CFAP20DC: variants seen among roughly 807,000 people sequenced by gnomAD.
The protein encoded by CFAP20DC is CFAP20 domain containing.
A neutral mutation model predicts 101.7 loss-of-function variants in CFAP20DC; 84 were observed. The observed-to-expected ratio is 0.83, with a 90% CI of 0.69 to 0.99. The LOEUF (loss-of-function observed/expected upper bound fraction) is 0.99. Among genes scored for constraint, CFAP20DC ranks in the 50% least tolerant of loss-of-function variants. The pLI is 0.00. For missense variants in CFAP20DC, 1,007 were observed against 970.3 expected (o/e 1.04, Z -0.50); for synonymous variants, 359 against 351.2 (o/e 1.02, Z -0.25).
intron 4 of CFAP20DC, among the ~76,000 whole-genome samples, chr3:59,021,269 G>A (rs1199033127): frequency 1.3e-5 from 2 of 152,018 alleles, no homozygotes; most frequent in Admixed American, 6.6e-5. Context: ...AGGATTCCAG[G>A]TAAATAAAGT....
chr3:59,039,426 T>G (rs375881588), intron 4 of CFAP20DC, 131 bp downstream of exon 4: 6 of 595,432 alleles, frequency 1.0e-5, no homozygotes, highest in Non-Finnish European at 1.8e-5. Context: ...AATTACTTGA[T>G]GTTGACTTGA....
At chr3:58,927,604 C>A (rs938418116) in intron 5 of CFAP20DC, among the ~76,000 whole-genome samples, 7 of 152,168 alleles carry the variant, frequency 4.6e-5, no homozygotes, top group African/African-American at 1.7e-4. Flanking sequence ...AGGAATTTTA[C>A]GTGAAATTTC....
At chr3:59,027,459 T>C (rs1430706215) in intron 4 of CFAP20DC, among the ~76,000 whole-genome samples, 1 of 152,048 alleles carries the variant, frequency 6.6e-6, no homozygotes, top group African/African-American at 2.4e-5. Flanking sequence ...GGTCTCAGTG[T>C]TTTCAACCCA....
Position 59,049,649 on chromosome 3 carries a change from G to C in CFAP20DC, c.-18C>G. 6.5e-7 allele frequency: 1 copy of C among 1,535,896 alleles called. No homozygotes were observed. The highest frequency in any genetic ancestry group is 8.7e-7 in the Non-Finnish European group (1 of 1,146,696). On this transcript the variant is annotated 5_prime_UTR_variant, in exon 1 of 17. Coordinates refer to ENST00000482387, the MANE Select transcript of CFAP20DC (RefSeq NM_001394063.1). ...TTGAACATTCCCGCAGGGGGCCCAGGGCTTGGGGGGCACAGAGTTCAGGGT... is the reference window on the plus strand; with the variant it reads ...TTGAACATTCCCGCAGGGGGCCCAGCGCTTGGGGGGCACAGAGTTCAGGGT...
intron 15 of CFAP20DC, among the ~76,000 whole-genome samples, chr3:58,758,534 TA>T (rs2069178135): frequency 6.6e-6 from 1 of 151,968 alleles, no homozygotes; most frequent in Non-Finnish European, 1.5e-5. Flanking sequence ...CTATAATCCT[TA>T]TTTATTTATT....
intron 7 of CFAP20DC, among the ~76,000 whole-genome samples, chr3:58,876,781 T>C (rs1329809183): frequency 1.3e-5 from 2 of 152,194 alleles, no homozygotes; most frequent in African/African-American, 4.8e-5. Context: ...ATCTAATCAC[T>C]GAGGGGTCAT....
At chr3:58,835,071 AT>A (rs1380616988) in intron 13 of CFAP20DC, among the ~76,000 whole-genome samples, 1 of 151,962 alleles carries the variant, frequency 6.6e-6, no homozygotes, top group Non-Finnish European at 1.5e-5. Context: ...TGTTCTTATT[AT>A]TTTTTCCTCT....
chr3:58,773,307 T>C (rs952205109), intron 15 of CFAP20DC, among the ~76,000 whole-genome samples: 1 of 151,206 alleles, frequency 6.6e-6, no homozygotes, highest in African/African-American at 2.4e-5. Flanking sequence ...TCCCAGCACT[T>C]TGGGAGGCTG....
intron 15 of CFAP20DC, among the ~76,000 whole-genome samples, chr3:58,776,936 G>C (rs2071388736): frequency 6.6e-6 from 1 of 151,958 alleles, no homozygotes; most frequent in South Asian, 2.1e-4. Flanking sequence ...CACTGTGGGA[G>C]TGTGAAAGGA....
At position 58,882,099 on chromosome 3, in the gene CFAP20DC, C is replaced by T. The variant is rs1271464800; in HGVS notation, c.715+2446G>A. On this transcript the variant is annotated intron_variant, in intron 7 of 16. Coordinates refer to ENST00000482387, the MANE Select transcript of CFAP20DC (RefSeq NM_001394063.1). The surrounding 1 kb of genome is among the most constrained non-coding windows in gnomAD (Gnocchi z 4.2). ...CAATCATAAACCCTATGGTTACAAA[C>T]GAATATAATTGGGATTCACAGAGCA... Among the ~76,000 whole-genome samples the T allele has an allele frequency of 3.3e-5, 5 of 152,006 alleles. No homozygotes were observed. The highest frequency in any genetic ancestry group is 2.1e-4 in the South Asian group (1 of 4,822).
chr3:58,904,356 T>C (rs2083412526), intron 6 of CFAP20DC, among the ~76,000 whole-genome samples: 1 of 152,106 alleles, frequency 6.6e-6, no homozygotes. Flanking sequence ...TTGTGAGTCT[T>C]GATATACAGA....
intron 4 of CFAP20DC, among the ~76,000 whole-genome samples, chr3:58,976,727 G>C (rs1177042006): frequency 1.3e-5 from 2 of 152,088 alleles, no homozygotes; most frequent in Non-Finnish European, 2.9e-5. Flanking sequence ...TGTCTGCATG[G>C]GTTTTCTCTG....
chr3:58,817,200 C>A (rs566747400), intron 14 of CFAP20DC, among the ~76,000 whole-genome samples: 1 of 152,140 alleles, frequency 6.6e-6, no homozygotes, highest in African/African-American at 2.4e-5. Flanking sequence ...AAAAACAGAA[C>A]AGAAAAACTG....
Position 58,899,402 on chromosome 3 carries a change from T to C in CFAP20DC, c.550+14306A>G, listed in dbSNP as rs1044269508. ...TGACTGGCTGGAATTTGCCATTAGG[T>C]CTTAATTTGTGAGACACTGTGGAAG... is the stretch of plus-strand genomic sequence containing the variant. On this transcript the variant is annotated intron_variant, in intron 6 of 16. Transcript: ENST00000482387. The surrounding 1 kb of genome is among the most constrained non-coding windows in gnomAD (Gnocchi z 5.0). 6.6e-6 allele frequency among the ~76,000 whole-genome samples: 1 copy of C among 152,050 alleles called. No homozygotes were observed. Among genetic ancestry groups the C allele is most frequent in the African/African-American group, 2.4e-5 (1 of 41,392 alleles).
chr3:58,735,860 A>T (rs938575787), intron 3 of CFAP20DC, among the ~76,000 whole-genome samples: 2 of 152,196 alleles, frequency 1.3e-5, no homozygotes, highest in African/African-American at 4.8e-5. Flanking sequence ...TACCAGTGAT[A>T]ATGTATTTGC....
At chr3:58,762,172 A>C (rs1175519951) in intron 15 of CFAP20DC, among the ~76,000 whole-genome samples, 1 of 152,128 alleles carries the variant, frequency 6.6e-6, no homozygotes, top group African/African-American at 2.4e-5. Context: ...GTGGGAGTCT[A>C]AGTCTCTTTG....
chr3:58,754,163 T>A (rs1198347808), intron 15 of CFAP20DC, among the ~76,000 whole-genome samples: 2 of 152,176 alleles, frequency 1.3e-5, no homozygotes, highest in Non-Finnish European at 2.9e-5. Flanking sequence ...ATTATTTCAA[T>A]AACTCAGAGG....
At chr3:59,030,563 T>G (rs559758079) in intron 4 of CFAP20DC, among the ~76,000 whole-genome samples, 4 of 152,164 alleles carry the variant, frequency 2.6e-5, no homozygotes, top group Admixed American at 2.6e-4. Context: ...ATTTGGAAAA[T>G]CCAAATGTTT....
intron 4 of CFAP20DC, among the ~76,000 whole-genome samples, chr3:58,995,651 T>G (rs1346149682): frequency 6.6e-6 from 1 of 152,120 alleles, no homozygotes; most frequent in African/African-American, 2.4e-5. Flanking sequence ...TGGCCGAGAT[T>G]AACACACAAA....
Sources: gnomAD v4.1 joint callset for allele counts (sites outside exome capture counted in the v4.1 genomes callset) on GRCh38, gnomAD v4.1.1 for gene constraint, Gnocchi (gnomAD v3.1) non-coding constraint, MANE v1.5 for transcripts, NCBI Gene and HGNC (gene_info 2026-07-23, HGNC 2026-07-21) for gene names.